NID1: variants seen among roughly 807,000 people sequenced by gnomAD.
The protein encoded by NID1 is nidogen 1.
NID1 carries 76 observed loss-of-function variants against 130.6 expected under a neutral mutation model. That is an observed-to-expected ratio of 0.58 (90% CI 0.48 to 0.70). NID1 has a LOEUF of 0.70. Among genes scored for constraint, NID1 ranks in the 30% least tolerant of loss-of-function variants. NID1 has a pLI of 0.00. For synonymous variants in NID1, 665 were observed against 675.1 expected, an observed-to-expected ratio of 0.98 and a Z score of 0.23; for missense variants, 1,517 against 1,664.8, an observed-to-expected ratio of 0.91 and a Z score of 1.54.
At chr1:235,978,134 G>A in intron 19 of NID1, 146 bp from the exon 20 acceptor site, 1 of 872,724 alleles carries the variant, frequency 1.1e-6, no homozygotes, top group Non-Finnish European at 1.7e-6. Flanking sequence ...TGGGGACACT[G>A]TGCTAGGCAG....
chr1:236,055,229 G>A (rs922271268), intron 1 of NID1, among the ~76,000 whole-genome samples: 9 of 151,990 alleles, frequency 5.9e-5, no homozygotes, highest in Non-Finnish European at 1.0e-4. Flanking sequence ...GCGGGAACCC[G>A]GGAGGTGGAG....
intron 7 of NID1, 55 bp downstream of exon 7, chr1:236,029,495 A>G: frequency 4.0e-6 from 6 of 1,517,624 alleles, no homozygotes; most frequent in South Asian, 1.2e-5. Context: ...GTGGGTCAAG[A>G]GCACGAGGCT....
At chr1:235,997,034 A>T (rs896216372) in intron 12 of NID1, among the ~76,000 whole-genome samples, 1 of 151,964 alleles carries the variant, frequency 6.6e-6, no homozygotes, top group Non-Finnish European at 1.5e-5. Flanking sequence ...GGGTTTCACC[A>T]TGTTGGTCAG....
intron 12 of NID1, among the ~76,000 whole-genome samples, chr1:235,999,576 C>T (rs961517728): frequency 6.6e-6 from 1 of 151,932 alleles, no homozygotes; most frequent in African/African-American, 2.4e-5. Flanking sequence ...AGACGCATTT[C>T]CTGAGCTTGT....
chr1:235,983,694 A>C (rs1657499735), intron 15 of NID1, among the ~76,000 whole-genome samples: 1 of 152,046 alleles, frequency 6.6e-6, no homozygotes, highest in Non-Finnish European at 1.5e-5. Flanking sequence ...CTCTCCCTCA[A>C]CTCAAAATAC....
At chr1:236,052,400 G>A (rs999351938) in intron 1 of NID1, among the ~76,000 whole-genome samples, 7 of 152,174 alleles carry the variant, frequency 4.6e-5, no homozygotes, top group Non-Finnish European at 1.5e-5. Context: ...AGGGCACTGG[G>A]CCGGGGAGTC....
intron 12 of NID1, among the ~76,000 whole-genome samples, chr1:236,004,829 C>T (rs1033008953): frequency 7.3e-5 from 11 of 150,760 alleles, no homozygotes; most frequent in South Asian, 2.1e-4. Flanking sequence ...GGAAATTGAC[C>T]GGGCTGTCAG....
At chr1:236,006,820 C>T (rs1407054020) in intron 12 of NID1, among the ~76,000 whole-genome samples, 1 of 152,040 alleles carries the variant, frequency 6.6e-6, no homozygotes, top group African/African-American at 2.4e-5. Flanking sequence ...CTTAGAGTAA[C>T]TCCTTGAACT....
intron 1 of NID1, among the ~76,000 whole-genome samples, chr1:236,061,962 A>G (rs1337371432): frequency 1.3e-5 from 2 of 152,202 alleles, no homozygotes; most frequent in Non-Finnish European, 2.9e-5. Context: ...CGGAACCCTC[A>G]TATATTGTTG....
chr1:236,002,511 CAA>C (rs1226808936), intron 12 of NID1, among the ~76,000 whole-genome samples: 1 of 150,104 alleles, frequency 6.7e-6, no homozygotes, highest in African/African-American at 2.4e-5. Context: ...TAAAAACAAA[CAA>C]ACAAACAAAC....
intron 12 of NID1, among the ~76,000 whole-genome samples, chr1:236,001,783 G>A (rs1241915010): frequency 2.6e-5 from 4 of 152,242 alleles, no homozygotes; most frequent in African/African-American, 7.2e-5. Flanking sequence ...CAGCATGGAA[G>A]AGAGCTTGCA....
In NID1 at chr1:236,041,898, A is replaced by G; in HGVS notation, c.1135+12T>C. The G allele has an allele frequency of 6.3e-7, 1 of 1,592,114 alleles. No homozygotes were observed. Among genetic ancestry groups the G allele is most frequent in the Non-Finnish European group, 8.6e-7 (1 of 1,167,000 alleles). ...CCAAGATCGTTACCAACTGCAACTT[A>G]AATGGTCTTACCAACTCCTGTTTCC... On this transcript the variant is annotated intron_variant, in intron 4 of 19. Coordinates refer to ENST00000264187, the MANE Select transcript of NID1 (RefSeq NM_002508.3).
intron 13 of NID1, 137 bp from the exon 14 acceptor site, chr1:235,991,195 G>A: frequency 3.0e-6 from 2 of 677,148 alleles, no homozygotes; most frequent in East Asian, 3.1e-5. Context: ...CACCTTCATG[G>A]CACCACAAAC....
chr1:236,005,089 T>A (rs939963119), intron 12 of NID1, among the ~76,000 whole-genome samples: 5 of 151,984 alleles, frequency 3.3e-5, no homozygotes, highest in Admixed American at 6.6e-5. Context: ...AGGAGAATTG[T>A]TTGAACCTGG....
intron 9 of NID1, 89 bp downstream of exon 9, chr1:236,023,981 G>A: frequency 6.5e-7 from 1 of 1,535,754 alleles, no homozygotes; most frequent in African/African-American, 1.4e-5. Flanking sequence ...GTGCTTCCTT[G>A]CTGCACCCAG....
Position 235,980,621 on chromosome 1 carries a change from T to C in NID1, c.3260A>G (p.Asn1087Ser). ...CATGTAGGAAGTTTCAATCTTGGGG[T>C]TATCTCTGTTCCAGTCTGTCCAGTA... Reference protein sequence around the residue: ...NLYWTDWNRDNPKIETSYMDG... With the variant: ...NLYWTDWNRDSPKIETSYMDG... Residue 1087 changes from asparagine (N) to serine (S), a missense_variant, in exon 17 of 20, where the codon AAC (asparagine) becomes AGC (serine). Asn to Ser is a conservative substitution (Grantham distance 46). This residue lies in a region of NID1 where 181 missense variants were observed against 211.3 expected (regional missense o/e 0.86). Transcript: ENST00000264187. The C allele has an allele frequency of 6.2e-7, 1 of 1,614,064 alleles. No individual in the cohort carries two copies. Among genetic ancestry groups the C allele is most frequent in the Admixed American group, 1.7e-5 (1 of 60,004 alleles).
chr1:235,991,198 C>T (rs142890858), intron 13 of NID1, 140 bp from the exon 14 acceptor site: 9,479 of 622,782 alleles, frequency 0.015, 96 homozygotes, highest in Middle Eastern at 0.031. Context: ...CTTCATGGCA[C>T]CACAAACTGC....
intron 4 of NID1, among the ~76,000 whole-genome samples, chr1:236,041,622 T>A (rs914074959): frequency 3.3e-5 from 5 of 152,070 alleles, no homozygotes; most frequent in African/African-American, 1.2e-4. Flanking sequence ...TAACGGACGT[T>A]TTCTCTTTAA....
intron 9 of NID1, among the ~76,000 whole-genome samples, chr1:236,023,551 A>G (rs1658829292): frequency 1.3e-5 from 2 of 152,202 alleles, no homozygotes; most frequent in South Asian, 4.1e-4. Context: ...TTACACAATA[A>G]AATGAATGCA....
Sources: allele counts gnomAD v4.1 joint callset (sites outside exome capture counted in the v4.1 genomes callset), GRCh38; gene constraint gnomAD v4.1.1; regional missense constraint gnomAD v4.1.1; transcripts MANE v1.5; gene names NCBI Gene and HGNC (gene_info 2026-07-23, HGNC 2026-07-21).